The following TLL1 variants were observed in gnomAD, a reference collection of about 807,000 sequenced individuals.
The protein encoded by TLL1 is tolloid-like protein 1.
TLL1 carries 49 observed loss-of-function variants against 128.2 expected under a neutral mutation model. The observed-to-expected ratio is 0.38, with a 90% CI of 0.30 to 0.48. TLL1 has a LOEUF of 0.48. Ranked by LOEUF, TLL1 falls within the 20% of genes least tolerant of loss-of-function variation. TLL1 has a pLI of 0.96. For synonymous variants in TLL1, 454 were observed against 418.8 expected, an observed-to-expected ratio of 1.08 and a Z score of -1.03; for missense variants, 1,123 against 1,242.0, an observed-to-expected ratio of 0.90 and a Z score of 1.44.
chr4:165,884,396 G>C (rs947722858), intron 1 of TLL1, among the ~76,000 whole-genome samples: 7 of 152,170 alleles, frequency 4.6e-5, no homozygotes, highest in Admixed American at 2.6e-4. Context: ...TTTGTGGGGA[G>C]CACTGCAACT....
intron 6 of TLL1, among the ~76,000 whole-genome samples, chr4:166,004,871 A>G (rs1393723251): frequency 1.3e-5 from 2 of 151,988 alleles, no homozygotes; most frequent in South Asian, 2.1e-4. Context: ...AAGGATTATA[A>G]GCAGGAAAAG....
At chr4:165,898,047 T>C (rs571205022) in intron 1 of TLL1, among the ~76,000 whole-genome samples, 79 of 152,298 alleles carry the variant, frequency 5.2e-4, no homozygotes, top group African/African-American at 1.9e-3. Flanking sequence ...TATTGGTGTA[T>C]AGGAATGCTT....
chr4:166,061,525 A>G (rs1740313457), intron 15 of TLL1, among the ~76,000 whole-genome samples: 1 of 152,054 alleles, frequency 6.6e-6, no homozygotes, highest in South Asian at 2.1e-4. Flanking sequence ...GATTACAGGC[A>G]TGAGCTACCG....
intron 12 of TLL1, among the ~76,000 whole-genome samples, chr4:166,049,553 G>A (rs1036348584): frequency 6.6e-6 from 1 of 151,926 alleles, no homozygotes; most frequent in South Asian, 2.1e-4. Context: ...TGAAGTGGCA[G>A]CAGTTAAATC....
intron 1 of TLL1, among the ~76,000 whole-genome samples, chr4:165,929,537 C>CAAAAAAAA (rs71604413): frequency 7.5e-6 from 1 of 134,124 alleles, no homozygotes; most frequent in Non-Finnish European, 1.6e-5. Flanking sequence ...GACTCCATCT[C>CAAAAAAAA]AAAAAAAAAA....
At chr4:166,092,051 T>C (rs2322478) in intron 19 of TLL1, among the ~76,000 whole-genome samples, 31 of 151,690 alleles carry the variant, frequency 2.0e-4, no homozygotes, top group Non-Finnish European at 3.7e-4. Context: ...AGACAGTATA[T>C]CAGTTAAATG....
chr4:166,001,235 C>T (rs1319453008), intron 5 of TLL1, among the ~76,000 whole-genome samples: 4 of 152,046 alleles, frequency 2.6e-5, no homozygotes, highest in African/African-American at 4.8e-5. Context: ...TATTCAAAGC[C>T]GACCATTTAG....
intron 17 of TLL1, among the ~76,000 whole-genome samples, chr4:166,076,100 T>C: frequency 6.6e-6 from 1 of 152,130 alleles, no homozygotes; most frequent in East Asian, 1.9e-4. Flanking sequence ...TGAAACAGGG[T>C]CTGCCTCTGT....
chr4:166,071,617 A>G lies in TLL1; in HGVS notation c.2189-3261A>G, dbSNP rs72976325. 7.3e-3 allele frequency among the ~76,000 whole-genome samples: 1,105 copies of G among 152,096 alleles called. 19 individuals carry two copies. The highest frequency in any genetic ancestry group is 0.059 in the East Asian group (303 of 5,176). On this transcript the variant is annotated intron_variant, in intron 16 of 20. Transcript: ENST00000061240. ...TGCAGACATTATGACAAATGTTTAA[A>G]TGTCTCTCCTTCTCCCTTTTCTCTT...
At position 165,926,797 on chromosome 4, in the gene TLL1, G is replaced by A. The variant is rs376133936; in HGVS notation, c.169+52724G>A. The stretch of plus-strand genomic sequence containing the variant: ...AGCTAGCTTTACTGGCAACTCTGTC[G>A]TTTCATTAACTTTGCAGTAATGGAA... On this transcript the variant is annotated intron_variant, in intron 1 of 20. Coordinates refer to ENST00000061240, the MANE Select transcript of TLL1 (RefSeq NM_012464.5). 1.1e-4 allele frequency among the ~76,000 whole-genome samples: 17 copies of A among 152,236 alleles called. No individual in the cohort carries two copies. The East Asian group carries it at 1.2e-3, about 10-fold the overall frequency.
At chr4:165,949,857 TATATC>T (rs1734426032) in intron 1 of TLL1, among the ~76,000 whole-genome samples, 1 of 152,046 alleles carries the variant, frequency 6.6e-6, no homozygotes, top group South Asian at 2.1e-4. Context: ...ACAGCCAAAT[TATATC>T]AACAACAAAA....
At chr4:165,947,901 G>A (rs564871551) in intron 1 of TLL1, among the ~76,000 whole-genome samples, 1 of 152,254 alleles carries the variant, frequency 6.6e-6, no homozygotes, top group East Asian at 1.9e-4. Context: ...TGGACAGAAA[G>A]GGACAGAGGC....
rs999633638 is a variant in TLL1 at position 165,989,585 on chromosome 4, G to T, written c.280+94G>T. ...ATTTTTGGATCATTTTTCATCTCCT[G>T]TTGATCAACTCTGACTTCCTATACA... On this transcript the variant is annotated intron_variant, in intron 2 of 20. Transcript: ENST00000061240. 4 of 878,954 alleles carry T rather than the reference G, an allele frequency of 4.6e-6. No homozygotes were observed. The African/African-American group carries it at 5.0e-5, about 11-fold the overall frequency. 54.4% of individuals were successfully genotyped at this position (878,954 alleles called of 1,614,324 possible).
rs17047267 is a variant in TLL1 at position 166,099,541 on chromosome 4, C to T, written c.2907+14C>T. ...TGTGGATCCGGGGTAAATATACCACCAACAGAATACCCTAGACATGATTAA... is the reference window on the plus strand; with the variant it reads ...TGTGGATCCGGGGTAAATATACCACTAACAGAATACCCTAGACATGATTAA... On this transcript the variant is annotated intron_variant, in intron 20 of 20. Coordinates refer to ENST00000061240, the MANE Select transcript of TLL1 (RefSeq NM_012464.5). 6 of 1,604,208 alleles carry T rather than the reference C, an allele frequency of 3.7e-6. No individual in the cohort carries two copies. In the South Asian group the frequency reaches 4.4e-5, roughly 12 times the overall value.
chr4:165,970,588 T>C (rs559257740), intron 1 of TLL1, among the ~76,000 whole-genome samples: 3 of 152,202 alleles, frequency 2.0e-5, no homozygotes, highest in Admixed American at 6.5e-5. Context: ...CTTTTGACCA[T>C]GTAGGACTGG....
In TLL1 at chr4:166,103,642, A is replaced by T. The variant is rs1360750953; in HGVS notation, c.*2766A>T. ...CATGTCAAGTATCAGTTTACCACAT[A>T]TTATTTTTATATTAATTCAACATTT... On this transcript the variant is annotated 3_prime_UTR_variant, in exon 21 of 21. Coordinates refer to ENST00000061240, the MANE Select transcript of TLL1 (RefSeq NM_012464.5). 6.6e-6 allele frequency: 1 copy of T among 151,806 alleles called. No individual in the cohort carries two copies. Among genetic ancestry groups the T allele is most frequent in the Admixed American group, 6.6e-5 (1 of 15,204 alleles). The allele number at this position is 151,806 out of a possible 1,614,324, so 9.4% of individuals were successfully genotyped here.
At chr4:165,936,209 T>C (rs888000426) in intron 1 of TLL1, among the ~76,000 whole-genome samples, 3 of 148,428 alleles carry the variant, frequency 2.0e-5, no homozygotes, top group Non-Finnish European at 4.5e-5. Context: ...TATATATATT[T>C]TTTTTTCTTT....
chr4:165,930,701 A>G (rs190809694), intron 1 of TLL1, among the ~76,000 whole-genome samples: 1 of 152,364 alleles, frequency 6.6e-6, no homozygotes, highest in East Asian at 1.9e-4. Context: ...TCTCAGGGTC[A>G]TTATTCACCT....
chr4:165,889,404 GT>G (rs1435864898), intron 1 of TLL1, among the ~76,000 whole-genome samples: 1 of 152,166 alleles, frequency 6.6e-6, no homozygotes, highest in Admixed American at 6.5e-5. Flanking sequence ...AAATCCAGAA[GT>G]TTTTTGAATT....
Sources: allele counts gnomAD v4.1 joint callset (sites outside exome capture counted in the v4.1 genomes callset), GRCh38; gene constraint gnomAD v4.1.1; transcripts MANE v1.5; gene names NCBI Gene and HGNC (gene_info 2026-07-23, HGNC 2026-07-21).